Variants in AGMO observed in about 807,000 individuals in gnomAD.
The protein encoded by AGMO is glyceryl-ether monooxygenase.
Under a neutral mutation model 60.2 loss-of-function variants are expected in AGMO, and 75 were observed. That is an observed-to-expected ratio of 1.25 (90% CI 1.03 to 1.51). AGMO has a LOEUF of 1.51. AGMO is among the 40% of genes most tolerant of loss of function. AGMO has a pLI of 0.00. For missense variants in AGMO, 763 were observed against 525.5 expected (o/e 1.45, Z -4.42); for synonymous variants, 261 against 177.1 (o/e 1.47, Z -3.76).
intron 10 of AGMO, among the ~76,000 whole-genome samples, chr7:15,371,925 TTC>T (rs1783234926): frequency 1.6e-5 from 2 of 126,884 alleles, no homozygotes; most frequent in Non-Finnish European, 3.7e-5. Flanking sequence ...TATTAAGTGT[TTC>T]TAAATATTAA....
chr7:15,202,886 G>C (rs1781336457), intron 12 of AGMO, among the ~76,000 whole-genome samples: 1 of 152,072 alleles, frequency 6.6e-6, no homozygotes, highest in Non-Finnish European at 1.5e-5. Context: ...GCAATGAGTT[G>C]CATTTGTCCA....
chr7:15,431,040 G>A lies in AGMO; in HGVS notation c.478C>T (p.Leu160=). ...TATATCTGGAGGACAGACTGTCTCA[G>A]TGCTGTGGATAAGTTATAGTCTTCA... The part of the protein sequence containing the change: ...SSEDYNLSTA[L]RQSVLQIYTS... Residue 160 remains leucine, a synonymous_variant, in exon 4 of 13, where the codon CTG becomes TTG. Transcript: ENST00000342526. 1 of 1,608,954 alleles carries A rather than the reference G, an allele frequency of 6.2e-7. No individual in the cohort carries two copies. Among genetic ancestry groups the A allele is most frequent in the Non-Finnish European group, 8.5e-7 (1 of 1,176,666 alleles).
At chr7:15,253,733 A>T (rs954958239) in intron 12 of AGMO, among the ~76,000 whole-genome samples, 1 of 152,118 alleles carries the variant, frequency 6.6e-6, no homozygotes, top group Non-Finnish European at 1.5e-5. Context: ...GCTATTTGAA[A>T]TATACAATCC....
chr7:15,471,361 A>G (rs1355991455), intron 3 of AGMO, among the ~76,000 whole-genome samples: 1 of 151,904 alleles, frequency 6.6e-6, no homozygotes, highest in Non-Finnish European at 1.5e-5. Context: ...AAAAAGAAAA[A>G]TTCAACATAA....
chr7:15,456,531 C>T (rs1782003686), intron 3 of AGMO, among the ~76,000 whole-genome samples: 1 of 152,236 alleles, frequency 6.6e-6, no homozygotes, highest in South Asian at 2.1e-4. Context: ...TCAGCTCTAC[C>T]TGCTATCCAC....
intron 12 of AGMO, among the ~76,000 whole-genome samples, chr7:15,287,316 A>C (rs1784126403): frequency 6.6e-6 from 1 of 152,228 alleles, no homozygotes; most frequent in Non-Finnish European, 1.5e-5. Context: ...ATGTTATTTC[A>C]TGACTTCTGT....
At chr7:15,316,040 C>T (rs1206494683) in intron 12 of AGMO, among the ~76,000 whole-genome samples, 1 of 152,004 alleles carries the variant, frequency 6.6e-6, no homozygotes, top group Non-Finnish European at 1.5e-5. Flanking sequence ...GAACAGCAGG[C>T]ACTGGTTTCC....
At chr7:15,465,568 C>T (rs1368203073) in intron 3 of AGMO, among the ~76,000 whole-genome samples, 1 of 148,152 alleles carries the variant, frequency 6.7e-6, no homozygotes, top group Non-Finnish European at 1.5e-5. Flanking sequence ...ACCACAGGCA[C>T]GTGCTACCAC....
At chr7:15,531,108 ATATATATTCTATATATATTCTG>A (rs1562556679) in intron 3 of AGMO, among the ~76,000 whole-genome samples, 3 of 24,740 alleles carry the variant, frequency 1.2e-4, no homozygotes, top group African/African-American at 3.5e-4. Context: ...TATATATTCT[ATATATATTCTATATATATTCTG>A]TATATATTCT....
intron 12 of AGMO, among the ~76,000 whole-genome samples, chr7:15,279,950 C>T (rs991248040): frequency 7.2e-5 from 11 of 152,340 alleles, no homozygotes; most frequent in Non-Finnish European, 1.5e-4. Context: ...CTGATCCTGC[C>T]TCACAGGGGC....
the AGMO span, among the ~76,000 whole-genome samples, chr7:15,137,565 T>G: frequency 6.6e-6 from 1 of 152,142 alleles, no homozygotes; most frequent in Non-Finnish European, 1.5e-5. Context: ...TGTGATGCAG[T>G]GCTGGTCGAG....
intron 3 of AGMO, among the ~76,000 whole-genome samples, chr7:15,483,525 G>A (rs980919279): frequency 6.6e-6 from 1 of 152,056 alleles, no homozygotes; most frequent in Non-Finnish European, 1.5e-5. Flanking sequence ...GCGATAGATC[G>A]TGCTACTGCA....
intron 3 of AGMO, among the ~76,000 whole-genome samples, chr7:15,461,799 T>C (rs1782150264): frequency 6.6e-6 from 1 of 152,082 alleles, no homozygotes. Flanking sequence ...TGTATATACT[T>C]GAAGAAGTAT....
At chr7:15,322,481 T>C (rs1481881464) in intron 12 of AGMO, among the ~76,000 whole-genome samples, 2 of 94,756 alleles carry the variant, frequency 2.1e-5, no homozygotes, top group African/African-American at 8.9e-5. Context: ...TATAAATATA[T>C]ATATAAATAT....
In AGMO at chr7:15,322,637, TATAA is replaced by T. The variant is rs1316359670; in HGVS notation, c.1263+42873_1263+42876del. On this transcript the variant is annotated intron_variant, in intron 12 of 12. Transcript: ENST00000342526. ...AAATATATAAATATATATAAATATA[TATAA>T]ATATATAAATATATATATAAATATA... is the stretch of plus-strand genomic sequence containing the variant. Among the ~76,000 whole-genome samples the T allele has an allele frequency of 3.0e-4, 20 of 67,122 alleles. 2 individuals carry two copies. In the East Asian group the frequency reaches 6.4e-3, roughly 22 times the overall value. The allele number at this position is 67,122 out of a possible 152,430, so 44.0% of individuals were successfully genotyped here. A position where few individuals can be genotyped will look rare whatever the true frequency, so the allele number is the denominator to read the frequency against.
chr7:15,509,702 C>A (rs1199482632), intron 3 of AGMO, among the ~76,000 whole-genome samples: 1 of 152,024 alleles, frequency 6.6e-6, no homozygotes, highest in African/African-American at 2.4e-5. Context: ...ATAGGAGAAA[C>A]TACTCATCAG....
At chr7:15,398,195 T>C (rs1362936227) in intron 5 of AGMO, among the ~76,000 whole-genome samples, 1 of 152,132 alleles carries the variant, frequency 6.6e-6, no homozygotes, top group Admixed American at 6.5e-5. Flanking sequence ...TCCTAGGCCC[T>C]GGCGTGTGTG....
the AGMO span, among the ~76,000 whole-genome samples, chr7:15,184,033 G>A: frequency 6.6e-6 from 1 of 151,876 alleles, no homozygotes; most frequent in East Asian, 1.9e-4. Context: ...ATATCTCCTG[G>A]GAAAGCACCC....
Position 15,561,729 on chromosome 7 carries a change from A to C in AGMO, c.117T>G (p.Tyr39Ter), listed in dbSNP as rs375176381. The stretch of plus-strand genomic sequence containing the variant: ...TCCAATAAAGTCTCACCTTTTTTAC[A>C]TAATCAGGCACCTCTTCTAATGTTT... ...SFQTLEEVPDYVKKATPFFIS... is the reference protein window; with the variant it reads ...SFQTLEEVPD The change falls in exon 1 of 13, where the codon TAT becomes TAG. Residue 39 changes from tyrosine to a stop codon, truncating the protein, a stop_gained. Transcript: ENST00000342526. LOFTEE classifies it high-confidence loss of function. 34 of 1,605,016 alleles carry C rather than the reference A, an allele frequency of 2.1e-5. No individual in the cohort carries two copies. The highest frequency in any genetic ancestry group is 2.7e-5 in the Non-Finnish European group (32 of 1,175,152).
Sources: gnomAD v4.1 joint callset for allele counts (sites outside exome capture counted in the v4.1 genomes callset) on GRCh38, gnomAD v4.1.1 for gene constraint, MANE v1.5 for transcripts, NCBI Gene and HGNC (gene_info 2026-07-23, HGNC 2026-07-21) for gene names.